The following SLIT1 variants were observed in gnomAD, a reference collection of about 807,000 sequenced individuals.
SLIT1 encodes the protein slit guidance ligand 1.
A neutral mutation model predicts 186.1 loss-of-function variants in SLIT1; 66 were observed. That is an observed-to-expected ratio of 0.35 (90% CI 0.29 to 0.44). The LOEUF (loss-of-function observed/expected upper bound fraction) is 0.44, where lower values mean the gene tolerates loss of function less well. Among genes scored for constraint, SLIT1 ranks in the 20% least tolerant of loss-of-function variants. SLIT1 has a pLI of 1.00. For missense variants in SLIT1, 1,638 were observed against 2,037.4 expected, an observed-to-expected ratio of 0.80 and a Z score of 3.77; for synonymous variants, 761 against 833.8, an observed-to-expected ratio of 0.91 and a Z score of 1.50.
At chr10:97,131,920 C>T (rs1053178500) in intron 4 of SLIT1, among the ~76,000 whole-genome samples, 6 of 152,216 alleles carry the variant, frequency 3.9e-5, no homozygotes, top group Non-Finnish European at 7.3e-5. Context: ...GGCAACGTGC[C>T]CATGTGGCAG....
intron 31 of SLIT1, among the ~76,000 whole-genome samples, chr10:97,008,887 TA>T (rs1265149218): frequency 1.3e-5 from 2 of 151,494 alleles, no homozygotes; most frequent in East Asian, 1.9e-4. Context: ...TATTTATTAT[TA>T]TTATTTTTTG....
intron 26 of SLIT1, among the ~76,000 whole-genome samples, chr10:97,020,235 A>G (rs1473930748): frequency 2.0e-5 from 3 of 151,854 alleles, no homozygotes; most frequent in Non-Finnish European, 2.9e-5. Flanking sequence ...AACCTCCTAG[A>G]GTGCTAGGAT....
chr10:97,116,342 T>C (rs1400947857), intron 4 of SLIT1, among the ~76,000 whole-genome samples: 3 of 152,170 alleles, frequency 2.0e-5, no homozygotes, highest in Non-Finnish European at 4.4e-5. Flanking sequence ...TCTCCTGAGC[T>C]AGCCGAAGCC....
chr10:97,056,184 G>C, intron 13 of SLIT1, 137 bp downstream of exon 13: 1 of 892,370 alleles, frequency 1.1e-6, no homozygotes, highest in Non-Finnish European at 1.7e-6. Flanking sequence ...ACCCAGGTCT[G>C]TGTCCTTCCT....
At chr10:97,086,198 G>A (rs1187841139) in intron 4 of SLIT1, among the ~76,000 whole-genome samples, 4 of 152,326 alleles carry the variant, frequency 2.6e-5, no homozygotes, top group Middle Eastern at 6.8e-3. Context: ...CTTGGAAGCA[G>A]CCAAAATGGC....
chr10:97,156,787 C>T (rs564246563), intron 4 of SLIT1, among the ~76,000 whole-genome samples: 1 of 152,266 alleles, frequency 6.6e-6, no homozygotes, highest in African/African-American at 2.4e-5. Flanking sequence ...ACCCAACCCA[C>T]ACCCCTCAGT....
At chr10:97,118,161 C>A (rs1189771847) in intron 4 of SLIT1, among the ~76,000 whole-genome samples, 1 of 152,208 alleles carries the variant, frequency 6.6e-6, no homozygotes, top group Non-Finnish European at 1.5e-5. Context: ...TCACATAATA[C>A]TCAGTGCAGC....
chr10:97,089,465 G>A (rs1242967359), intron 4 of SLIT1, among the ~76,000 whole-genome samples: 1 of 152,198 alleles, frequency 6.6e-6, no homozygotes, highest in African/African-American at 2.4e-5. Context: ...CGTCTCTCTG[G>A]GCTGACTGCG....
In SLIT1 at chr10:97,015,382, G is replaced by T. The variant is rs191019080; in HGVS notation, c.2970-1224C>A. ...GAAGGAAGGCCTCATAGAACTGTCA[G>T]CTGATAGAACATTAAAAATAATCTT... On this transcript the variant is annotated intron_variant, in intron 28 of 36. Transcript: ENST00000266058. 2.4e-3 allele frequency among the ~76,000 whole-genome samples: 363 copies of T among 152,342 alleles called. 2 individuals are homozygous for T. The highest frequency in any genetic ancestry group is 3.2e-3 in the Non-Finnish European group (215 of 68,030).
At position 97,014,038 on chromosome 10, in the gene SLIT1, C is replaced by G; in HGVS notation, c.3090G>C (p.Gln1030His). The G allele has an allele frequency of 6.2e-7, 1 of 1,613,614 alleles. No individual in the cohort carries two copies. The highest frequency in any genetic ancestry group is 8.5e-7 in the Non-Finnish European group (1 of 1,179,988). Residue 1030 changes from glutamine (Q) to histidine (H), a missense_variant, in exon 29 of 37, where the codon CAG becomes CAC. By Grantham distance (24) the Gln-to-His change is conservative (BLOSUM62 0). This residue lies in a region of SLIT1 where 1,245 missense variants were observed against 1,535.3 expected (regional missense o/e 0.81). Transcript: ENST00000266058. ...ACTTACCCTCATACTGCAGGGGGCA[C>G]TGGCAGGTGTAGTTGCCCACACCAT... Reference protein sequence around the residue: ...CVDGVGNYTCQCPLQYEGKAC... With the variant: ...CVDGVGNYTCHCPLQYEGKAC...
At chr10:97,134,742 T>C (rs902741340) in intron 4 of SLIT1, among the ~76,000 whole-genome samples, 1 of 152,244 alleles carries the variant, frequency 6.6e-6, no homozygotes, top group Non-Finnish European at 1.5e-5. Context: ...TTGTCACCTT[T>C]TGCCTGTGGA....
intron 22 of SLIT1, among the ~76,000 whole-genome samples, chr10:97,035,628 G>A (rs549451973): frequency 6.6e-6 from 1 of 152,314 alleles, no homozygotes; most frequent in East Asian, 1.9e-4. Context: ...CATCTGCCAT[G>A]AGGGTGGCAC....
At chr10:97,075,887 C>G (rs115462429) in intron 4 of SLIT1, among the ~76,000 whole-genome samples, 1 of 152,182 alleles carries the variant, frequency 6.6e-6, no homozygotes, top group Admixed American at 6.5e-5. Flanking sequence ...ATTATAACCT[C>G]TGTACTGGTT....
intron 4 of SLIT1, among the ~76,000 whole-genome samples, chr10:97,143,260 A>G (rs12258466): frequency 0.22 from 33,058 of 152,166 alleles, 5,319 homozygotes; most frequent in African/African-American, 0.45. Flanking sequence ...ATGGATAACC[A>G]AAATGTGGGG....
At chr10:97,134,136 C>T (rs372842090) in intron 4 of SLIT1, among the ~76,000 whole-genome samples, 2 of 152,210 alleles carry the variant, frequency 1.3e-5, no homozygotes, top group African/African-American at 4.8e-5. Flanking sequence ...GAGGCTGGGG[C>T]GGCCTCACTT....
At chr10:97,166,808 C>T (rs2817662) in intron 1 of SLIT1, among the ~76,000 whole-genome samples, 101,764 of 151,930 alleles carry the variant, frequency 0.67, 35,027 homozygotes, top group Non-Finnish European at 0.75. Context: ...CCTCACACAA[C>T]GCAAAAAAGT....
chr10:97,014,977 C>T (rs893014574), intron 28 of SLIT1, among the ~76,000 whole-genome samples: 2 of 152,068 alleles, frequency 1.3e-5, no homozygotes, highest in African/African-American at 2.4e-5. Flanking sequence ...CAAAGGGCTG[C>T]GGTGAGCAGG....
intron 4 of SLIT1, among the ~76,000 whole-genome samples, chr10:97,106,403 T>TGAAC (rs71306804): frequency 0.16 from 24,061 of 151,254 alleles, 2,556 homozygotes; most frequent in African/African-American, 0.29. Flanking sequence ...AATGAATGAA[T>TGAAC]GAACGAATGA....
intron 4 of SLIT1, among the ~76,000 whole-genome samples, chr10:97,130,195 C>T (rs1849640256): frequency 6.6e-6 from 1 of 152,206 alleles, no homozygotes; most frequent in South Asian, 2.1e-4. Context: ...AAAAGTCTAG[C>T]TGGTATGGTG....
Sources: allele counts gnomAD v4.1 joint callset (sites outside exome capture counted in the v4.1 genomes callset), GRCh38; gene constraint gnomAD v4.1.1; regional missense constraint gnomAD v4.1.1; transcripts MANE v1.5; gene names NCBI Gene and HGNC (gene_info 2026-07-23, HGNC 2026-07-21).